NEBL: variants seen among roughly 807,000 people sequenced by gnomAD.
The protein encoded by NEBL is nebulette, also known as LIM and SH3 protein 2.
Under a neutral mutation model 140.2 loss-of-function variants are expected in NEBL, and 122 were observed. The ratio of observed to expected loss-of-function variants is 0.87; its 90% CI spans 0.75 to 1.01. The LOEUF is 1.01. NEBL is among the 50% of genes least tolerant of loss of function. The pLI, the probability that NEBL is intolerant of heterozygous loss-of-function variation, is 0.00. For missense variants in NEBL, 1,365 were observed against 1,231.3 expected (o/e 1.11, Z -1.62); for synonymous variants, 436 against 398.9 (o/e 1.09, Z -1.11).
At chr10:21,110,776 C>T (rs1837967236) in intron 2 of NEBL, 1 of 536,446 alleles carries the variant, frequency 1.9e-6, no homozygotes, top group Non-Finnish European at 3.6e-6. Flanking sequence ...AAATGAGCAC[C>T]AATTATCTTT....
At chr10:21,040,663 A>G (rs1480561734) in intron 2 of NEBL, among the ~76,000 whole-genome samples, 1 of 152,112 alleles carries the variant, frequency 6.6e-6, no homozygotes, top group African/African-American at 2.4e-5. Flanking sequence ...CAACCTTAGG[A>G]ATCACATTTC....
chr10:21,126,744 C>A (rs898955437), intron 2 of NEBL, among the ~76,000 whole-genome samples: 1 of 151,822 alleles, frequency 6.6e-6, no homozygotes, highest in Non-Finnish European at 1.5e-5. Context: ...GAGGCCGAGG[C>A]GGGTGGATCA....
At chr10:21,292,927 C>A (rs968645704) in exon 1 of NEBL, among the ~76,000 whole-genome samples, 3 of 152,176 alleles carry the variant, frequency 2.0e-5, no homozygotes, top group East Asian at 3.8e-4. Flanking sequence ...TCACACTTGG[C>A]AAATGGCAAA....
intron 3 of NEBL, among the ~76,000 whole-genome samples, chr10:20,964,964 G>A (rs11012422): frequency 0.17 from 25,172 of 152,166 alleles, 3,072 homozygotes; most frequent in East Asian, 0.36. Context: ...TTGTACACAC[G>A]TATGACAAGG....
intron 4 of NEBL, among the ~76,000 whole-genome samples, chr10:20,946,106 A>C (rs1305250418): frequency 6.6e-6 from 1 of 152,186 alleles, no homozygotes; most frequent in African/African-American, 2.4e-5. Context: ...ATGTACGAAC[A>C]GGGATGCACA....
intron 4 of NEBL, among the ~76,000 whole-genome samples, chr10:20,920,982 A>G (rs934679891): frequency 6.6e-6 from 1 of 152,162 alleles, no homozygotes; most frequent in Non-Finnish European, 1.5e-5. Flanking sequence ...TTCTCTTTCA[A>G]AGAAATATGT....
chr10:20,967,391 G>T (rs1836366382), intron 3 of NEBL, among the ~76,000 whole-genome samples: 1 of 152,202 alleles, frequency 6.6e-6, no homozygotes, highest in Non-Finnish European at 1.5e-5. Flanking sequence ...ACTTTGGGAG[G>T]CCGGGGCAGG....
intron 2 of NEBL, among the ~76,000 whole-genome samples, chr10:21,078,053 G>A (rs74791548): frequency 2.0e-5 from 3 of 152,184 alleles, no homozygotes; most frequent in Non-Finnish European, 4.4e-5. Context: ...TGAAAGCTGG[G>A]TTGTGTGCAG....
At chr10:21,253,512 T>C (rs1842614225) in intron 1 of NEBL, among the ~76,000 whole-genome samples, 1 of 149,696 alleles carries the variant, frequency 6.7e-6, no homozygotes, top group Non-Finnish European at 1.5e-5. Context: ...GAGTACTTAG[T>C]GGGAAAACGT....
chr10:21,144,113 T>A (rs1203061568), intron 2 of NEBL, among the ~76,000 whole-genome samples: 1 of 152,236 alleles, frequency 6.6e-6, no homozygotes, highest in African/African-American at 2.4e-5. Context: ...GTTTGTGCCC[T>A]TGGAGGGCAG....
chr10:21,072,133 C>T (rs980096196), intron 2 of NEBL, among the ~76,000 whole-genome samples: 2 of 151,412 alleles, frequency 1.3e-5, no homozygotes, highest in African/African-American at 4.9e-5. Context: ...GTTTTTTTTT[C>T]AGGAGGTTCT....
rs1841351489 is a variant in NEBL at position 20,840,834 on chromosome 10, CT to C, written c.1242del (p.Asp415IlefsTer6). 1 of 1,577,124 alleles carries C rather than the reference CT, an allele frequency of 6.3e-7. No homozygotes were observed. The highest frequency in any genetic ancestry group is 1.1e-5 in the South Asian group (1 of 90,116). ...TTCCCTTTTATCTCATTTTCCAAAT[CT>C]TTTTTATATTCTTTCTATGAGACAA... ...TNLLREKEYK[K>X]DLENEIKGKG... On this transcript the variant is annotated frameshift_variant, in exon 13 of 28. Transcript: ENST00000377122. LOFTEE classifies it high-confidence loss of function.
chr10:21,082,716 CATTT>C (rs1836437419), intron 2 of NEBL, among the ~76,000 whole-genome samples: 1 of 147,578 alleles, frequency 6.8e-6, no homozygotes, highest in South Asian at 2.1e-4. Context: ...CTTGAAAATA[CATTT>C]ATTTAAGAAG....
chr10:20,936,951 G>A (rs148950911), intron 4 of NEBL, among the ~76,000 whole-genome samples: 224 of 152,150 alleles, frequency 1.5e-3, no homozygotes, highest in African/African-American at 4.8e-3. Flanking sequence ...CAAACATCCC[G>A]TTTTTTGCCT....
At chr10:21,109,047 T>C (rs1327099551) in intron 2 of NEBL, among the ~76,000 whole-genome samples, 1 of 151,990 alleles carries the variant, frequency 6.6e-6, no homozygotes, top group Non-Finnish European at 1.5e-5. Flanking sequence ...TGAATAGGAG[T>C]GGGGAGAGAG....
At chr10:21,032,886 A>C (rs1833856268) in intron 2 of NEBL, among the ~76,000 whole-genome samples, 1 of 152,212 alleles carries the variant, frequency 6.6e-6, no homozygotes, top group Non-Finnish European at 1.5e-5. Flanking sequence ...TCATGTATTT[A>C]TAAAAGAAGG....
At chr10:20,844,796 A>G (rs1331940912) in intron 12 of NEBL, among the ~76,000 whole-genome samples, 1 of 152,136 alleles carries the variant, frequency 6.6e-6, no homozygotes, top group African/African-American at 2.4e-5. Context: ...TCAAATGTCA[A>G]GAAAGGGAGA....
At chr10:20,874,236 G>GT (rs1845262137) in intron 5 of NEBL, among the ~76,000 whole-genome samples, 1 of 152,154 alleles carries the variant, frequency 6.6e-6, no homozygotes, top group Admixed American at 6.5e-5. Flanking sequence ...GTCAGCCTAG[G>GT]TTTTTTAATT....
chr10:20,944,341 A>G (rs1393554193), intron 4 of NEBL, among the ~76,000 whole-genome samples: 1 of 152,162 alleles, frequency 6.6e-6, no homozygotes, highest in African/African-American at 2.4e-5. Context: ...CGGAGGGTGC[A>G]CTGAGCCAAG....
Sources: gnomAD v4.1 joint callset for allele counts (sites outside exome capture counted in the v4.1 genomes callset) on GRCh38, gnomAD v4.1.1 for gene constraint, MANE v1.5 for transcripts, NCBI Gene and HGNC (gene_info 2026-07-23, HGNC 2026-07-21) for gene names.